The following ATRNL1 variants were observed in gnomAD, a reference collection of about 807,000 sequenced individuals.
ATRNL1 encodes attractin-like protein 1.
In ATRNL1, 95 loss-of-function variants were observed where a neutral mutation model predicts 182.7. The observed-to-expected ratio is 0.52, with a 90% CI of 0.44 to 0.62. ATRNL1 has a LOEUF of 0.62. Ranked by LOEUF, ATRNL1 falls within the 20% of genes least tolerant of loss-of-function variation. The pLI is 0.00. For synonymous variants in ATRNL1, 576 were observed against 568.3 expected, an observed-to-expected ratio of 1.01 and a Z score of -0.19; for missense variants, 1,471 against 1,679.5, an observed-to-expected ratio of 0.88 and a Z score of 2.17.
In ATRNL1 at chr10:115,268,301, A is replaced by G. The variant is rs1851692681; in HGVS notation, c.1982-25A>G. On this transcript the variant is annotated intron_variant, in intron 12 of 28. Coordinates refer to ENST00000355044, the MANE Select transcript of ATRNL1 (RefSeq NM_207303.4). ...GTAAGATTTTCTTTTCCGTGCTGAT[A>G]TATCGTCCCCCATTTGTATTATAGC... is the stretch of plus-strand genomic sequence containing the variant. 7.5e-6 allele frequency: 10 copies of G among 1,327,730 alleles called. No homozygotes were observed. In the East Asian group the frequency reaches 2.3e-4, roughly 31 times the overall value. 82.2% of individuals were successfully genotyped at this position (1,327,730 alleles called of 1,614,324 possible).
At chr10:115,615,858 A>G (rs1217681544) in intron 26 of ATRNL1, among the ~76,000 whole-genome samples, 1 of 152,186 alleles carries the variant, frequency 6.6e-6, no homozygotes, top group African/African-American at 2.4e-5. Flanking sequence ...TAAATTACCC[A>G]GTCACAGGTA....
At chr10:115,180,339 C>G (rs1847702101) in intron 8 of ATRNL1, among the ~76,000 whole-genome samples, 1 of 151,904 alleles carries the variant, frequency 6.6e-6, no homozygotes, top group Admixed American at 6.6e-5. Context: ...GCCATTTTCT[C>G]AGGCTTTCTT....
At chr10:115,930,437 A>T (rs1555121336) in intron 28 of ATRNL1, among the ~76,000 whole-genome samples, 1 of 152,126 alleles carries the variant, frequency 6.6e-6, no homozygotes, top group African/African-American at 2.4e-5. Flanking sequence ...CATACATCCC[A>T]TGAAGGGCAT....
At chr10:115,912,895 A>G (rs1473234828) in intron 28 of ATRNL1, among the ~76,000 whole-genome samples, 1 of 152,160 alleles carries the variant, frequency 6.6e-6, no homozygotes, top group Non-Finnish European at 1.5e-5. Context: ...TGAGGACCAG[A>G]CCTGGCTGCC....
chr10:115,513,421 A>G (rs1466418322), intron 24 of ATRNL1, among the ~76,000 whole-genome samples: 3 of 151,998 alleles, frequency 2.0e-5, no homozygotes, highest in East Asian at 1.9e-4. Flanking sequence ...GTTCCAACAT[A>G]TTATATAATT....
chr10:115,868,990 C>T (rs543665619), intron 28 of ATRNL1, among the ~76,000 whole-genome samples: 233 of 151,834 alleles, frequency 1.5e-3, no homozygotes, highest in African/African-American at 5.5e-3. Flanking sequence ...CCACCACGCC[C>T]GGCTAATTTT....
intron 13 of ATRNL1, 76 bp from the exon 14 acceptor site, chr10:115,281,279 G>T: frequency 7.7e-7 from 1 of 1,304,414 alleles, no homozygotes; most frequent in Non-Finnish European, 1.0e-6. Flanking sequence ...TTCACCAGAG[G>T]ATTTAAATAT....
chr10:115,840,198 T>C (rs1555096652), intron 27 of ATRNL1, among the ~76,000 whole-genome samples: 1 of 152,116 alleles, frequency 6.6e-6, no homozygotes, highest in Admixed American at 6.6e-5. Flanking sequence ...GTTGATGTGG[T>C]AAGTATGGGA....
intron 17 of ATRNL1, among the ~76,000 whole-genome samples, chr10:115,306,523 T>G (rs1469342414): frequency 6.6e-6 from 1 of 152,120 alleles, no homozygotes; most frequent in East Asian, 1.9e-4. Context: ...AAATTAATTT[T>G]TTTTTACAGT....
At chr10:115,536,359 C>T (rs2133768781) in intron 25 of ATRNL1, among the ~76,000 whole-genome samples, 1 of 152,324 alleles carries the variant, frequency 6.6e-6, no homozygotes, top group South Asian at 2.1e-4. Context: ...GCAGTTTGAT[C>T]TCAGATTGCT....
intron 25 of ATRNL1, among the ~76,000 whole-genome samples, chr10:115,548,950 TGGTTATTTAATATGTTCATACATAAA>T (rs1312607854): frequency 7.2e-5 from 11 of 152,142 alleles, no homozygotes; most frequent in Non-Finnish European, 1.5e-4. Context: ...AAGGTTATTT[TGGTTATTTAATATGTTCATACATAAA>T]GGTTATTTAA....
intron 26 of ATRNL1, among the ~76,000 whole-genome samples, chr10:115,694,172 G>GCA (rs71010040): frequency 0.47 from 69,036 of 146,684 alleles, 16,398 homozygotes; most frequent in Non-Finnish European, 0.54. Context: ...CTACACAGAC[G>GCA]CACACACACA....
At chr10:115,645,744 T>A (rs896006712) in intron 26 of ATRNL1, among the ~76,000 whole-genome samples, 1 of 152,024 alleles carries the variant, frequency 6.6e-6, no homozygotes, top group Non-Finnish European at 1.5e-5. Context: ...TCTGTTTGTC[T>A]CTGGCAGTGA....
At chr10:115,720,032 T>C (rs1555057375) in intron 26 of ATRNL1, among the ~76,000 whole-genome samples, 1 of 152,030 alleles carries the variant, frequency 6.6e-6, no homozygotes. Flanking sequence ...GATATATTTT[T>C]TGTATTTTTT....
intron 20 of ATRNL1, among the ~76,000 whole-genome samples, chr10:115,416,396 T>G (rs950850388): frequency 2.6e-5 from 4 of 152,164 alleles, no homozygotes. Flanking sequence ...ACATTCAAAA[T>G]TATTTCAAAA....
chr10:115,908,824 T>C (rs1952580921), intron 28 of ATRNL1, among the ~76,000 whole-genome samples: 1 of 152,202 alleles, frequency 6.6e-6, no homozygotes, highest in Non-Finnish European at 1.5e-5. Context: ...AAGTTGCTGC[T>C]GCCTCTCTTC....
intron 19 of ATRNL1, among the ~76,000 whole-genome samples, chr10:115,385,594 A>G (rs1403252311): frequency 6.6e-6 from 1 of 151,966 alleles, no homozygotes; most frequent in African/African-American, 2.4e-5. Context: ...TTTCTTTGAT[A>G]TTTTATACTT....
intron 10 of ATRNL1, among the ~76,000 whole-genome samples, chr10:115,252,836 A>T (rs1850940589): frequency 6.6e-6 from 1 of 152,038 alleles, no homozygotes; most frequent in Admixed American, 6.5e-5. Flanking sequence ...ACCCTTCCTC[A>T]TGTTTTTCAA....
intron 28 of ATRNL1, among the ~76,000 whole-genome samples, chr10:115,912,573 T>C (rs1952716123): frequency 6.6e-6 from 1 of 152,166 alleles, no homozygotes; most frequent in South Asian, 2.1e-4. Context: ...GTAATTTCAT[T>C]TTTAGGAATC....
Sources: allele counts gnomAD v4.1 joint callset (sites outside exome capture counted in the v4.1 genomes callset), GRCh38; gene constraint gnomAD v4.1.1; transcripts MANE v1.5; gene names NCBI Gene and HGNC (gene_info 2026-07-23, HGNC 2026-07-21).